The following NPAS3 variants were observed in gnomAD, a reference collection of about 807,000 sequenced individuals.
NPAS3 encodes the protein neuronal PAS domain protein 3.
In NPAS3, 14 loss-of-function variants were observed where a neutral mutation model predicts 73.1. The observed-to-expected ratio is 0.19, with a 90% CI of 0.13 to 0.30. The LOEUF (loss-of-function observed/expected upper bound fraction) is 0.30, where lower values mean the gene tolerates loss of function less well. Among genes scored for constraint, NPAS3 ranks in the 10% least tolerant of loss-of-function variants. The pLI, the probability that NPAS3 is intolerant of heterozygous loss-of-function variation, is 1.00. For synonymous variants in NPAS3, 620 were observed against 541.5 expected (o/e 1.14, Z -2.01); for missense variants, 1,096 against 1,250.0 (o/e 0.88, Z 1.86).
chr14:32,990,769 A>G (rs1359269821), intron 1 of NPAS3, among the ~76,000 whole-genome samples: 1 of 151,990 alleles, frequency 6.6e-6, no homozygotes, highest in Non-Finnish European at 1.5e-5. Flanking sequence ...CTACAAAAAA[A>G]TTTAAAAAAT....
intron 2 of NPAS3, among the ~76,000 whole-genome samples, chr14:33,154,591 C>A (rs2044580846): frequency 6.6e-6 from 1 of 152,140 alleles, no homozygotes; most frequent in South Asian, 2.1e-4. Flanking sequence ...GATTTAAAAT[C>A]ATTCATCTTT....
intron 3 of NPAS3, among the ~76,000 whole-genome samples, chr14:33,254,840 G>A (rs1010321910): frequency 6.6e-6 from 1 of 152,016 alleles, no homozygotes; most frequent in African/African-American, 2.4e-5. Context: ...AATGTCAGAG[G>A]TATGTATGAG....
chr14:33,062,732 TGAACA>T (rs1429395206), intron 2 of NPAS3, among the ~76,000 whole-genome samples: 1 of 152,216 alleles, frequency 6.6e-6, no homozygotes, highest in African/African-American at 2.4e-5. Flanking sequence ...GGCACGCTGT[TGAACA>T]GCGGCGTTCA....
intron 5 of NPAS3, among the ~76,000 whole-genome samples, chr14:33,562,098 A>G (rs2055677832): frequency 6.6e-6 from 1 of 152,232 alleles, no homozygotes; most frequent in Non-Finnish European, 1.5e-5. Flanking sequence ...ATTTTCAAGG[A>G]AATTGATGCA....
At chr14:33,189,956 C>T (rs1430360584) in intron 2 of NPAS3, among the ~76,000 whole-genome samples, 2 of 152,118 alleles carry the variant, frequency 1.3e-5, no homozygotes, top group African/African-American at 4.8e-5. Context: ...TTCTCACAAT[C>T]GGATGAGGGA....
intron 4 of NPAS3, among the ~76,000 whole-genome samples, chr14:33,487,561 G>T (rs2139780727): frequency 6.6e-6 from 1 of 152,246 alleles, no homozygotes; most frequent in African/African-American, 2.4e-5. Context: ...TTTTAAAAAG[G>T]CTTACAATAT....
intron 2 of NPAS3, among the ~76,000 whole-genome samples, chr14:33,164,342 T>C (rs1408834850): frequency 6.6e-6 from 1 of 152,228 alleles, no homozygotes; most frequent in Admixed American, 6.5e-5. Flanking sequence ...AGAATGGAAT[T>C]GAGAACTTAA....
intron 2 of NPAS3, among the ~76,000 whole-genome samples, chr14:33,071,686 G>A (rs1039990683): frequency 6.6e-6 from 1 of 152,144 alleles, no homozygotes; most frequent in African/African-American, 2.4e-5. Context: ...TATATCCAGT[G>A]TGCTGGATAA....
chr14:33,118,099 A>T (rs1022119163), intron 2 of NPAS3, among the ~76,000 whole-genome samples: 6 of 152,066 alleles, frequency 3.9e-5, no homozygotes, highest in African/African-American at 1.2e-4. Flanking sequence ...GTAAGGAATT[A>T]TGTTGAATGA....
intron 3 of NPAS3, among the ~76,000 whole-genome samples, chr14:33,304,939 G>C (rs2042698962): frequency 6.6e-6 from 1 of 152,074 alleles, no homozygotes; most frequent in Non-Finnish European, 1.5e-5. Context: ...ATCCTAAGCA[G>C]CTACCATTTA....
At chr14:33,529,591 A>G (rs17101462) in intron 4 of NPAS3, among the ~76,000 whole-genome samples, 2,565 of 152,226 alleles carry the variant, frequency 0.017, 74 homozygotes, top group African/African-American at 0.059. Flanking sequence ...TGTTAAAGTA[A>G]TGGGCATCCT....
At chr14:33,107,646 A>G (rs2042764213) in intron 2 of NPAS3, among the ~76,000 whole-genome samples, 1 of 152,092 alleles carries the variant, frequency 6.6e-6, no homozygotes, top group African/African-American at 2.4e-5. Flanking sequence ...TTTTCTTTAT[A>G]CAGTCCACCA....
intron 9 of NPAS3, chr14:33,780,700 T>C: frequency 2.3e-6 from 1 of 437,028 alleles, no homozygotes; most frequent in Non-Finnish European, 4.5e-6. Context: ...AGCAAAGGTC[T>C]CCAACAAATA....
intron 4 of NPAS3, among the ~76,000 whole-genome samples, chr14:33,420,402 G>C (rs1458688062): frequency 6.6e-6 from 1 of 151,958 alleles, no homozygotes; most frequent in African/African-American, 2.4e-5. Flanking sequence ...GACAAATGCT[G>C]CTTGTCGCAG....
At chr14:33,566,270 T>C (rs181539459) in intron 5 of NPAS3, among the ~76,000 whole-genome samples, 55 of 151,448 alleles carry the variant, frequency 3.6e-4, no homozygotes, top group African/African-American at 1.3e-3. Flanking sequence ...GACTGCATGC[T>C]GTCCGAGTGC....
chr14:33,119,840 T>G (rs191880875), intron 2 of NPAS3, among the ~76,000 whole-genome samples: 1 of 152,228 alleles, frequency 6.6e-6, no homozygotes, highest in Non-Finnish European at 1.5e-5. Flanking sequence ...ATGGTTCTGC[T>G]CTAGTTAGAG....
chr14:33,645,200 AAGGGCAGTTGTTC>A (rs1417376271), intron 5 of NPAS3, among the ~76,000 whole-genome samples: 1 of 152,190 alleles, frequency 6.6e-6, no homozygotes, highest in Non-Finnish European at 1.5e-5. Flanking sequence ...GTGGATTTCT[AAGGGCAGTTGTTC>A]AGGGTACCTG....
chr14:33,439,232 G>C lies in NPAS3; in HGVS notation c.468+71964G>C, dbSNP rs1321436780. Among the ~76,000 whole-genome samples, 4 of 152,164 alleles carry C rather than the reference G, an allele frequency of 2.6e-5. No homozygotes were observed. The East Asian group carries it at 7.7e-4, about 29-fold the overall frequency. On this transcript the variant is annotated intron_variant, in intron 4 of 11. Transcript: ENST00000356141. Reference sequence around the variant, plus strand: ...GTGGATTAGAAAGCTATGATAGAGAGAGACTAAGGCTGTGCCTGCATAAGC... The same window carrying C: ...GTGGATTAGAAAGCTATGATAGAGACAGACTAAGGCTGTGCCTGCATAAGC...
At chr14:33,218,049 T>C (rs2139691512) in intron 3 of NPAS3, among the ~76,000 whole-genome samples, 1 of 152,256 alleles carries the variant, frequency 6.6e-6, no homozygotes, top group South Asian at 2.1e-4. Context: ...ATGATTAAGA[T>C]GTATAAAAAG....
Sources: gnomAD v4.1 joint callset for allele counts (sites outside exome capture counted in the v4.1 genomes callset) on GRCh38, gnomAD v4.1.1 for gene constraint, MANE v1.5 for transcripts, NCBI Gene and HGNC (gene_info 2026-07-23, HGNC 2026-07-21) for gene names.